Variants in PARD3 observed in about 807,000 individuals in gnomAD.
PARD3 encodes the protein par-3 family cell polarity regulator.
In PARD3, 75 loss-of-function variants were observed where a neutral mutation model predicts 155.4. That is an observed-to-expected ratio of 0.48 (90% CI 0.40 to 0.58). The LOEUF (loss-of-function observed/expected upper bound fraction) is 0.58. Ranked by LOEUF, PARD3 falls within the 20% of genes least tolerant of loss-of-function variation. The probability of loss-of-function intolerance (pLI) is 0.00; values close to 1 mark genes in which losing one functional copy is unlikely to be tolerated. For missense variants in PARD3, 1,642 were observed against 1,721.7 expected (o/e 0.95, Z 0.82); for synonymous variants, 576 against 610.5 (o/e 0.94, Z 0.83).
intron 20 of PARD3, among the ~76,000 whole-genome samples, chr10:34,292,502 C>A (rs1012340487): frequency 6.6e-6 from 1 of 152,068 alleles, no homozygotes; most frequent in Non-Finnish European, 1.5e-5. Context: ...AGAGAGGAGC[C>A]TTAGAAAGGG....
At chr10:34,741,265 G>A (rs2095012402) in intron 1 of PARD3, among the ~76,000 whole-genome samples, 1 of 138,594 alleles carries the variant, frequency 7.2e-6, no homozygotes, top group Non-Finnish European at 1.5e-5. Flanking sequence ...ACCTTCTGCA[G>A]CTTCAACTTC....
At chr10:34,617,839 C>G (rs113235360) in intron 2 of PARD3, among the ~76,000 whole-genome samples, 5 of 152,210 alleles carry the variant, frequency 3.3e-5, no homozygotes, top group African/African-American at 1.2e-4. Flanking sequence ...GGGGCTCAGC[C>G]TAGAGAGATC....
At chr10:34,417,530 T>G (rs774352523) in intron 5 of PARD3, among the ~76,000 whole-genome samples, 1 of 152,202 alleles carries the variant, frequency 6.6e-6, no homozygotes, top group African/African-American at 2.4e-5. Flanking sequence ...TAAGTTGCAA[T>G]AGAAATTCTT....
intron 2 of PARD3, among the ~76,000 whole-genome samples, chr10:34,685,174 T>A (rs144276964): frequency 1.3e-5 from 2 of 152,164 alleles, no homozygotes; most frequent in African/African-American, 4.8e-5. Context: ...GACAGTAGGG[T>A]ATGTATTTAT....
intron 20 of PARD3, among the ~76,000 whole-genome samples, chr10:34,306,570 A>G (rs1957419095): frequency 6.6e-6 from 1 of 151,634 alleles, no homozygotes; most frequent in African/African-American, 2.4e-5. Context: ...AATCGCTTGA[A>G]CCTGGGAGGC....
At chr10:34,765,490 CCA>C (rs1435137517) in intron 1 of PARD3, among the ~76,000 whole-genome samples, 1 of 151,944 alleles carries the variant, frequency 6.6e-6, no homozygotes, top group Non-Finnish European at 1.5e-5. Flanking sequence ...CCACCCTGGC[CCA>C]CATGGTGAAA....
At chr10:34,788,282 CTT>C (rs1564620491) in intron 1 of PARD3, among the ~76,000 whole-genome samples, 1 of 152,126 alleles carries the variant, frequency 6.6e-6, no homozygotes, top group African/African-American at 2.4e-5. Context: ...CAAAGAAGCA[CTT>C]TGTGTGTCAC....
intron 22 of PARD3, among the ~76,000 whole-genome samples, chr10:34,178,520 G>A (rs909405976): frequency 2.6e-5 from 4 of 152,144 alleles, no homozygotes; most frequent in Non-Finnish European, 2.9e-5. Flanking sequence ...GACCTTTAGC[G>A]TAAGAATTGA....
At chr10:34,140,943 A>G (rs1948158040) in intron 22 of PARD3, among the ~76,000 whole-genome samples, 1 of 152,194 alleles carries the variant, frequency 6.6e-6, no homozygotes, top group Non-Finnish European at 1.5e-5. Flanking sequence ...CTTTAATCTT[A>G]CCACTTGTAT....
At chr10:34,622,176 C>A (rs999341234) in intron 2 of PARD3, among the ~76,000 whole-genome samples, 2 of 151,990 alleles carry the variant, frequency 1.3e-5, no homozygotes, top group Non-Finnish European at 2.9e-5. Flanking sequence ...TAGAAATATG[C>A]AGAAAAAAAG....
intron 5 of PARD3, among the ~76,000 whole-genome samples, chr10:34,422,544 T>C (rs926073277): frequency 6.6e-6 from 1 of 151,468 alleles, no homozygotes; most frequent in Non-Finnish European, 1.5e-5. Context: ...AAGAGATTAA[T>C]ATCCAAAATA....
intron 2 of PARD3, among the ~76,000 whole-genome samples, chr10:34,611,689 C>T (rs2090900143): frequency 6.6e-6 from 1 of 152,090 alleles, no homozygotes; most frequent in Non-Finnish European, 1.5e-5. Flanking sequence ...CCTGTTGACT[C>T]CTAAGGCCCC....
chr10:34,649,248 G>A (rs1357352356), intron 2 of PARD3, among the ~76,000 whole-genome samples: 1 of 152,166 alleles, frequency 6.6e-6, no homozygotes, highest in Non-Finnish European at 1.5e-5. Context: ...GTTTGAGATC[G>A]GCCTGGGAAA....
chr10:34,584,012 G>A lies in PARD3; in HGVS notation c.223-66853C>T, dbSNP rs185792630. 1.6e-4 allele frequency among the ~76,000 whole-genome samples: 25 copies of A among 152,194 alleles called. No individual in the cohort carries two copies. In the East Asian group the frequency reaches 2.9e-3, roughly 18 times the overall value. On this transcript the variant is annotated intron_variant, in intron 2 of 24. Coordinates refer to ENST00000374788, the MANE Select transcript of PARD3 (RefSeq NM_001184785.2). ...TACATAAATCATCATTTATTAGAGC[G>A]TAACAAATTTTTAGTATCACTTAGA...
chr10:34,634,029 C>A (rs1284138684), intron 2 of PARD3, among the ~76,000 whole-genome samples: 1 of 152,158 alleles, frequency 6.6e-6, no homozygotes, highest in Non-Finnish European at 1.5e-5. Context: ...CTGACCTGTC[C>A]CTTTCTTATT....
intron 2 of PARD3, among the ~76,000 whole-genome samples, chr10:34,621,110 G>A (rs1255469190): frequency 6.6e-6 from 1 of 152,220 alleles, no homozygotes; most frequent in Admixed American, 6.5e-5. Flanking sequence ...CTAGTCTAAG[G>A]TTTGCGCAGA....
intron 2 of PARD3, among the ~76,000 whole-genome samples, chr10:34,636,280 C>G (rs1459735407): frequency 1.3e-5 from 2 of 152,174 alleles, no homozygotes; most frequent in Non-Finnish European, 2.9e-5. Flanking sequence ...GGAGACCCAC[C>G]CTGTTTCCAC....
chr10:34,326,023 A>G (rs531870657), intron 19 of PARD3, among the ~76,000 whole-genome samples: 1 of 150,648 alleles, frequency 6.6e-6, no homozygotes, highest in South Asian at 2.1e-4. Flanking sequence ...TGGGAGGCTG[A>G]GGTAGGAGAA....
chr10:34,448,918 C>CTTTTT (rs751029992), intron 5 of PARD3, among the ~76,000 whole-genome samples: 2 of 133,810 alleles, frequency 1.5e-5, no homozygotes, highest in African/African-American at 5.9e-5. Flanking sequence ...GATAAATTAT[C>CTTTTT]TTTTTTTTTT....
Sources: allele counts gnomAD v4.1 joint callset (sites outside exome capture counted in the v4.1 genomes callset), GRCh38; gene constraint gnomAD v4.1.1; transcripts MANE v1.5; gene names NCBI Gene and HGNC (gene_info 2026-07-23, HGNC 2026-07-21).